KTN1: variants seen among roughly 807,000 people sequenced by gnomAD.
The protein encoded by KTN1 is kinectin.
KTN1 carries 130 observed loss-of-function variants against 222.5 expected under a neutral mutation model. The ratio of observed to expected loss-of-function variants is 0.58; its 90% CI spans 0.51 to 0.68. The LOEUF is 0.68. Among genes scored for constraint, KTN1 ranks in the 30% least tolerant of loss-of-function variants. The probability of loss-of-function intolerance (pLI) is 0.00; values close to 1 mark genes in which losing one functional copy is unlikely to be tolerated. For missense variants in KTN1, 1,508 were observed against 1,500.4 expected (o/e 1.01, Z -0.08); for synonymous variants, 512 against 496.3 (o/e 1.03, Z -0.42).
intron 14 of KTN1, 50 bp from the exon 15 acceptor site, chr14:55,640,324 T>TTAAA (rs2041640501): frequency 7.9e-7 from 1 of 1,265,468 alleles, no homozygotes; most frequent in Non-Finnish European, 1.1e-6. Flanking sequence ...TTTACAAACT[T>TTAAA]TAAAATCAGT....
chr14:55,636,646 A>G (rs1371795974), intron 10 of KTN1, 110 bp downstream of exon 10: 2 of 677,298 alleles, frequency 3.0e-6, no homozygotes, highest in African/African-American at 3.7e-5. Flanking sequence ...ATAGCTCAAT[A>G]AAAATAGCTT....
intron 4 of KTN1, 64 bp downstream of exon 4, chr14:55,618,198 T>TCATAGATTTCATTTTCTCTGG (rs1231587760): frequency 1.7e-6 from 2 of 1,166,810 alleles, no homozygotes; most frequent in East Asian, 5.0e-5. Flanking sequence ...TCTGATGGAG[T>TCATAGATTTCATTTTCTCTGG]CATAGATTTC....
chr14:55,674,558 A>G (rs1467236094), intron 40 of KTN1: 1 of 152,146 alleles, frequency 6.6e-6, no homozygotes, highest in Non-Finnish European at 1.5e-5. Flanking sequence ...TATGCTATGC[A>G]TTGCACAGAT....
intron 8 of KTN1, among the ~76,000 whole-genome samples, chr14:55,634,020 A>G (rs1376707280): frequency 6.6e-6 from 1 of 152,066 alleles, no homozygotes; most frequent in African/African-American, 2.4e-5. Flanking sequence ...CACACCTGTA[A>G]TCTCAGCTAC....
At chr14:55,656,442 T>C (rs1472563471) in intron 29 of KTN1, 4 of 233,126 alleles carry the variant, frequency 1.7e-5, no homozygotes, top group Non-Finnish European at 3.3e-5. Context: ...AATAGTTTTA[T>C]GATATTGGAT....
chr14:55,676,798 T>A (rs2045923449), intron 41 of KTN1, among the ~76,000 whole-genome samples: 1 of 152,224 alleles, frequency 6.6e-6, no homozygotes, highest in South Asian at 2.1e-4. Context: ...TTATAGTTTA[T>A]AATTGTTATG....
chr14:55,654,979 T>C lies in KTN1; in HGVS notation c.2802-1063T>C, dbSNP rs545866017. 9.2e-5 allele frequency among the ~76,000 whole-genome samples: 14 copies of C among 152,236 alleles called. No homozygotes were observed. In the South Asian group the frequency reaches 2.9e-3, roughly 32 times the overall value. Reference sequence around the variant, plus strand: ...GTATATGGCTTTTCTGGTTTGGCTCTTTTCTTTTCTTTTTTTTTGGGACAG... The same window carrying C: ...GTATATGGCTTTTCTGGTTTGGCTCCTTTCTTTTCTTTTTTTTTGGGACAG... On this transcript the variant is annotated intron_variant, in intron 28 of 43. Transcript: ENST00000395314.
At chr14:55,645,881 T>C (rs2042233645) in intron 18 of KTN1, among the ~76,000 whole-genome samples, 1 of 152,048 alleles carries the variant, frequency 6.6e-6, no homozygotes, top group Non-Finnish European at 1.5e-5. Flanking sequence ...GATAGGGCAG[T>C]GGAAAAATTA....
intron 24 of KTN1, 197 bp from the exon 25 acceptor site, chr14:55,651,693 C>T (rs1039855006): frequency 3.8e-6 from 2 of 533,202 alleles, no homozygotes; most frequent in Admixed American, 3.7e-5. Context: ...TTGTCCCTCC[C>T]CCTTATTATT....
intron 9 of KTN1, among the ~76,000 whole-genome samples, chr14:55,635,023 G>C (rs906902325): frequency 1.3e-5 from 2 of 152,100 alleles, no homozygotes; most frequent in African/African-American, 4.8e-5. Context: ...TGGAGATTAT[G>C]GGGATTACAA....
At chr14:55,640,331 C>T (rs774028458) in intron 14 of KTN1, 43 bp from the exon 15 acceptor site, 1 of 1,267,298 alleles carries the variant, frequency 7.9e-7, no homozygotes, top group South Asian at 1.3e-5. Context: ...ACTTTAAAAT[C>T]AGTTGTATTA....
Position 55,617,254 on chromosome 14 carries a change from GA to G in KTN1, c.661+602del, listed in dbSNP as rs547052816. Among the ~76,000 whole-genome samples, 3 of 152,256 alleles carry G rather than the reference GA, an allele frequency of 2.0e-5. No individual in the cohort carries two copies. The South Asian group carries it at 6.2e-4, about 31-fold the overall frequency. On this transcript the variant is annotated intron_variant, in intron 3 of 43. Coordinates refer to ENST00000395314, the MANE Select transcript of KTN1 (RefSeq NM_001079521.2). The stretch of plus-strand genomic sequence containing the variant: ...AAATGTTAAACAATTTTAAATAAAA[GA>G]AGAGACATATATAAGTAAAGAAGCT...
chr14:55,668,575 G>C (rs1236407860), intron 34 of KTN1: 1 of 152,010 alleles, frequency 6.6e-6, no homozygotes, highest in Non-Finnish European at 1.5e-5. Flanking sequence ...CTTCATGGGC[G>C]GTGGTGTGCA....
chr14:55,611,302 A>G (rs1257717139), intron 1 of KTN1, among the ~76,000 whole-genome samples: 2 of 124,404 alleles, frequency 1.6e-5, no homozygotes, highest in Non-Finnish European at 3.2e-5. Flanking sequence ...GGGTTTCGCC[A>G]TGTTGCCCAG....
intron 1 of KTN1, among the ~76,000 whole-genome samples, chr14:55,597,798 G>T (rs1220343776): frequency 6.6e-6 from 1 of 151,982 alleles, no homozygotes; most frequent in Non-Finnish European, 1.5e-5. Context: ...AGGATGCAGT[G>T]AGCTGAGATC....
intron 23 of KTN1, 44 bp from the exon 24 acceptor site, chr14:55,650,523 TTC>T: frequency 6.5e-7 from 1 of 1,542,502 alleles, no homozygotes; most frequent in Non-Finnish European, 8.9e-7. Flanking sequence ...TTATGTCAAT[TTC>T]TGTGTTTCCA....
intron 18 of KTN1, among the ~76,000 whole-genome samples, chr14:55,646,494 CCTTTCCTTTCCTTT>C (rs1566788845): frequency 1.7e-4 from 18 of 105,676 alleles, no homozygotes; most frequent in African/African-American, 6.2e-4. Flanking sequence ...CCTTTCCTTT[CCTTTCCTTTCCTTT>C]CCTTTCCTTT....
chr14:55,580,458 GGCGGGGGGGCGCGGCC>G (rs1373987859), intron 1 of KTN1, 104 bp downstream of exon 1: 1 of 146,654 alleles, frequency 6.8e-6, no homozygotes, highest in Non-Finnish European at 1.5e-5. Context: ...GGCCGCGCCG[GGCGGGGGGGCGCGGCC>G]GCGGGGCCCG....
Position 55,636,444 on chromosome 14 carries a change from C to A in KTN1, c.1462-5C>A, listed in dbSNP as rs753813234. The A allele has an allele frequency of 1.2e-6, 2 of 1,602,016 alleles. No homozygotes were observed. The highest frequency in any genetic ancestry group is 2.2e-5 in the South Asian group (2 of 89,324). On this transcript the variant is annotated splice_polypyrimidine_tract_variant and splice_region_variant and intron_variant, in intron 9 of 43. Transcript: ENST00000395314. ...TTTATCCTTTCTCCCTTTTAAAATACCAAGGTTCAACTACAAGAAGCTGAG... is the reference window on the plus strand; with the variant it reads ...TTTATCCTTTCTCCCTTTTAAAATAACAAGGTTCAACTACAAGAAGCTGAG...
Sources: gnomAD v4.1 joint callset for allele counts (sites outside exome capture counted in the v4.1 genomes callset) on GRCh38, gnomAD v4.1.1 for gene constraint, MANE v1.5 for transcripts, NCBI Gene and HGNC (gene_info 2026-07-23, HGNC 2026-07-21) for gene names.